RANBP2: variants seen among roughly 807,000 people sequenced by gnomAD.
RANBP2 encodes the protein RAN binding protein 2, also known as E3 SUMO-protein ligase RanBP2.
RANBP2 carries 57 observed loss-of-function variants against 303.6 expected under a neutral mutation model. That is an observed-to-expected ratio of 0.19 (90% CI 0.15 to 0.23). The LOEUF (loss-of-function observed/expected upper bound fraction) is 0.23. Among genes scored for constraint, RANBP2 ranks in the 10% least tolerant of loss-of-function variants. The probability of loss-of-function intolerance (pLI) is 1.00; values close to 1 mark genes in which losing one functional copy is unlikely to be tolerated. For missense variants in RANBP2, 3,138 were observed against 3,780.8 expected (o/e 0.83, Z 4.46); for synonymous variants, 1,167 against 1,301.5 (o/e 0.90, Z 2.23).
chr2:108,775,601 A>C (rs373275078), intron 23 of RANBP2, 131 bp from the exon 24 acceptor site: 1 of 860,270 alleles, frequency 1.2e-6, no homozygotes, highest in Non-Finnish European at 1.9e-6. Flanking sequence ...TTGAGGAGAG[A>C]TAGGGTGAAG....
At chr2:109,175,177 G>T in the RANBP2 span, among the ~76,000 whole-genome samples, 1 of 152,146 alleles carries the variant, frequency 6.6e-6, no homozygotes, top group South Asian at 2.1e-4. Flanking sequence ...AGAAATTGGA[G>T]TCCATCATTT....
At chr2:109,615,322 G>T in the RANBP2 span, 1 of 1,610,124 alleles carries the variant, frequency 6.2e-7, no homozygotes. Flanking sequence ...GCCTCCGATG[G>T]CAAGTGGGAC....
At chr2:109,299,692 T>C in the RANBP2 span, among the ~76,000 whole-genome samples, 1 of 152,204 alleles carries the variant, frequency 6.6e-6, no homozygotes, top group African/African-American at 2.4e-5. Flanking sequence ...CTGCCCGGAA[T>C]GTTCTAAATA....
chr2:109,286,287 A>G, the RANBP2 span, among the ~76,000 whole-genome samples: 3 of 152,178 alleles, frequency 2.0e-5, no homozygotes, highest in Admixed American at 2.0e-4. Context: ...ATGATGGAAA[A>G]GTGTGGTCAA....
chr2:109,623,136 AAC>A, the RANBP2 span, among the ~76,000 whole-genome samples: 26 of 150,194 alleles, frequency 1.7e-4, no homozygotes, highest in African/African-American at 6.0e-4. Flanking sequence ...CAAAAAAGAA[AAC>A]AACAACAACA....
chr2:109,345,479 T>C, the RANBP2 span, among the ~76,000 whole-genome samples: 5 of 152,166 alleles, frequency 3.3e-5, no homozygotes, highest in Admixed American at 6.5e-5. Context: ...GTAGCTCTTA[T>C]AACACGGCTT....
chr2:109,546,698 C>T, the RANBP2 span, among the ~76,000 whole-genome samples: 1 of 152,054 alleles, frequency 6.6e-6, no homozygotes, highest in Admixed American at 6.5e-5. Flanking sequence ...CACTGGAAAG[C>T]AAGTGTCAAT....
chr2:109,693,746 T>C, the RANBP2 span, among the ~76,000 whole-genome samples: 3 of 152,200 alleles, frequency 2.0e-5, no homozygotes, highest in Non-Finnish European at 4.4e-5. Flanking sequence ...AGCAGAGTAA[T>C]ATACCAATGT....
At chr2:109,232,075 T>C in the RANBP2 span, among the ~76,000 whole-genome samples, 9 of 152,256 alleles carry the variant, frequency 5.9e-5, no homozygotes, top group Non-Finnish European at 1.3e-4. Context: ...GGGGCTATTA[T>C]GAACAATGCC....
At chr2:108,942,369 A>G in the RANBP2 span, among the ~76,000 whole-genome samples, 1 of 152,204 alleles carries the variant, frequency 6.6e-6, no homozygotes, top group Non-Finnish European at 1.5e-5. Context: ...GCCAAGAGAA[A>G]GGCTGGCGAT....
downstream of RANBP2, chr2:108,789,071 T>C (rs1679466235): frequency 8.7e-7 from 1 of 1,145,212 alleles, no homozygotes; most frequent in Non-Finnish European, 1.3e-6. Context: ...AGGACAAGTA[T>C]GAGGACAAGT....
At chr2:109,217,690 T>C in the RANBP2 span, among the ~76,000 whole-genome samples, 1 of 152,214 alleles carries the variant, frequency 6.6e-6, no homozygotes, top group African/African-American at 2.4e-5. Flanking sequence ...AGACCAGATG[T>C]CCGAAGACCT....
At chr2:109,606,770 C>T in the RANBP2 span, among the ~76,000 whole-genome samples, 2 of 144,380 alleles carry the variant, frequency 1.4e-5, no homozygotes, top group Non-Finnish European at 3.0e-5. Flanking sequence ...ACCTCCGTCT[C>T]GCAGGTTCAA....
the RANBP2 span, among the ~76,000 whole-genome samples, chr2:109,506,886 A>G: frequency 6.6e-6 from 1 of 152,186 alleles, no homozygotes; most frequent in African/African-American, 2.4e-5. Context: ...CCACCATCCA[A>G]TGCTTGGTGT....
chr2:108,993,114 G>C, the RANBP2 span, among the ~76,000 whole-genome samples: 7 of 152,252 alleles, frequency 4.6e-5, no homozygotes, highest in African/African-American at 1.7e-4. Context: ...TGATACGGCG[G>C]ACACCAGCAA....
intron 6 of RANBP2, among the ~76,000 whole-genome samples, chr2:108,736,775 A>G (rs1695620724): frequency 6.6e-6 from 1 of 152,126 alleles, no homozygotes; most frequent in Non-Finnish European, 1.5e-5. Context: ...AATAAATTCC[A>G]TTGAACAAAA....
At chr2:109,192,284 G>A in the RANBP2 span, among the ~76,000 whole-genome samples, 8 of 152,296 alleles carry the variant, frequency 5.3e-5, no homozygotes, top group South Asian at 4.2e-4. Flanking sequence ...TGGAGAAATC[G>A]TGGCTTATTG....
the RANBP2 span, among the ~76,000 whole-genome samples, chr2:109,029,109 C>T: frequency 1.3e-5 from 2 of 151,718 alleles, no homozygotes; most frequent in Admixed American, 6.6e-5. Context: ...TTTCTTTAGC[C>T]CTCACCTCAT....
At chr2:109,113,964 C>T in the RANBP2 span, among the ~76,000 whole-genome samples, 6 of 152,214 alleles carry the variant, frequency 3.9e-5, no homozygotes, top group Non-Finnish European at 8.8e-5. Context: ...TTGAACCAGC[C>T]TTGCATCCCA....
Sources: gnomAD v4.1 joint callset for allele counts (sites outside exome capture counted in the v4.1 genomes callset) on GRCh38, gnomAD v4.1.1 for gene constraint, MANE v1.5 for transcripts, NCBI Gene and HGNC (gene_info 2026-07-23, HGNC 2026-07-21) for gene names.